The following ZNF587 variants were observed in gnomAD, a reference collection of about 807,000 sequenced individuals.
ZNF587 encodes zinc finger protein 587, also known as zinc finger protein zfp6.
ZNF587 carries 8 observed loss-of-function variants against 7.5 expected under a neutral mutation model. That is an observed-to-expected ratio of 1.06 (90% CI 0.62 to 1.92). The LOEUF (loss-of-function observed/expected upper bound fraction) is 1.92, where lower values mean the gene tolerates loss of function less well. ZNF587 is among the 40% of genes most tolerant of loss of function. The pLI, the probability that ZNF587 is intolerant of heterozygous loss-of-function variation, is 0.00. For missense variants in ZNF587, 468 were observed against 692.8 expected, an observed-to-expected ratio of 0.68 and a Z score of 3.64; for synonymous variants, 145 against 237.8, an observed-to-expected ratio of 0.61 and a Z score of 3.59.
intron 2 of ZNF587, chr19:57,858,091 T>G: frequency 6.2e-6 from 1 of 162,136 alleles, no homozygotes; most frequent in South Asian, 1.6e-4. Context: ...TTCTGTGACC[T>G]TTATAGCCCA....
rs1181836928 is a variant in ZNF587 at position 57,860,283 on chromosome 19, T to C, written c.*143T>C. 2.7e-6 allele frequency: 4 copies of C among 1,489,952 alleles called. No individual in the cohort carries two copies. The highest frequency in any genetic ancestry group is 1.8e-4 in the Middle Eastern group (1 of 5,672). The allele number at this position is 1,489,952 out of a possible 1,614,324, so 92.3% of individuals were successfully genotyped here. A position where few individuals can be genotyped will look rare whatever the true frequency, so the allele number is the denominator to read the frequency against. ...CTGTCCTCGGTCTTAAGCGACTTCG[T>C]GTTGAGATGGAGTCTTGTTCTGTCA... On this transcript the variant is annotated 3_prime_UTR_variant, in exon 3 of 3. Transcript: ENST00000339656.
In ZNF587 at chr19:57,861,178, C is replaced by T. The variant is rs1365906501; in HGVS notation, c.*1038C>T. On this transcript the variant is annotated 3_prime_UTR_variant, in exon 3 of 3. Transcript: ENST00000339656. ...CTTTTTAAGCAATGCCAAACTATGA[C>T]TTAAGAATGAAATTATTGCTCATTT... 2 of 152,138 alleles carry T rather than the reference C, an allele frequency of 1.3e-5. No individual in the cohort carries two copies. Among genetic ancestry groups the T allele is most frequent in the Non-Finnish European group, 2.9e-5 (2 of 68,034 alleles). 9.4% of individuals were successfully genotyped at this position (152,138 alleles called of 1,614,324 possible). A position where few individuals can be genotyped will look rare whatever the true frequency, so the allele number is the denominator to read the frequency against.
intron 1 of ZNF587, chr19:57,854,172 G>A (rs1333672575): frequency 6.6e-6 from 1 of 152,204 alleles, no homozygotes; most frequent in African/African-American, 2.4e-5. Flanking sequence ...ATCTGTGATA[G>A]TAGATGTGGT....
In ZNF587 at chr19:57,862,831, C is replaced by A. The variant is rs1173964045; in HGVS notation, c.*2691C>A. ...GGGCTGCCTAGAATCTGTTTCCTCT[C>A]ACTCTGAATTATTCTTCCTCTTATG... On this transcript the variant is annotated 3_prime_UTR_variant, in exon 3 of 3. Transcript: ENST00000339656. The A allele has an allele frequency of 6.4e-6, 1 of 155,068 alleles. No individual in the cohort carries two copies. The highest frequency in any genetic ancestry group is 1.5e-5 in the Non-Finnish European group (1 of 68,244). 9.6% of individuals were successfully genotyped at this position (155,068 alleles called of 1,614,324 possible). A position where few individuals can be genotyped will look rare whatever the true frequency, so the allele number is the denominator to read the frequency against.
In ZNF587 at chr19:57,859,579, T is replaced by C. The variant is rs1230894797; in HGVS notation, c.1167T>C (p.Phe389=). 6 of 1,613,924 alleles carry C rather than the reference T, an allele frequency of 3.7e-6. No individual in the cohort carries two copies. The highest frequency in any genetic ancestry group is 1.3e-5 in the African/African-American group (1 of 74,850). The change falls in exon 3 of 3, where the codon TTT becomes TTC. Residue 389 remains phenylalanine (F), a synonymous_variant. Transcript: ENST00000339656. ...PYKCGECGKS[F]GQKGNLVHHQ... ...AGTGTGGAGAATGTGGGAAATCTTTTGGTCAAAAGGGCAACCTCGTTCACC... is the reference window on the plus strand; with the variant it reads ...AGTGTGGAGAATGTGGGAAATCTTTCGGTCAAAAGGGCAACCTCGTTCACC...
chr19:57,853,591 G>T (rs1235516818), intron 1 of ZNF587, among the ~76,000 whole-genome samples: 7 of 152,040 alleles, frequency 4.6e-5, no homozygotes, highest in African/African-American at 1.7e-4. Context: ...CACCTGAGAG[G>T]GTGTGAGTGA....
chr19:57,860,035 TCA>T lies in ZNF587; in HGVS notation c.1627_1628del (p.Thr543TrpfsTer6), dbSNP rs1387581040. On this transcript the variant is annotated frameshift_variant, in exon 3 of 3. Transcript: ENST00000339656. LOFTEE classifies it low-confidence loss of function (END_TRUNC). ...CSSLIKHRRI[H>X]TGERPYECTK... ...CCAGTCTCATTAAACACAGGAGAATTCACACTGGAGAAAGGCCTTATGAATGC... is the reference window on the plus strand; with the variant it reads ...CCAGTCTCATTAAACACAGGAGAATTCACTGGAGAAAGGCCTTATGAATGC... 1.2e-6 allele frequency: 2 copies of T among 1,614,012 alleles called. No individual in the cohort carries two copies. Among genetic ancestry groups the T allele is most frequent in the African/African-American group, 2.7e-5 (2 of 74,898 alleles).
In ZNF587 at chr19:57,864,128, ATTTTTTTTTTTTT is replaced by A. The variant is rs200642194; in HGVS notation, c.*3999_*4011del. On this transcript the variant is annotated 3_prime_UTR_variant, in exon 3 of 3. Coordinates refer to ENST00000339656, the MANE Select transcript of ZNF587 (RefSeq NM_032828.4). ...ATATGGGCTTAGATATTATCCCTAA[ATTTTTTTTTTTTT>A]TTTTTTTTTTGAGACAGAGTCTCAC... is the stretch of plus-strand genomic sequence containing the variant. 1 of 90,612 alleles carries A rather than the reference ATTTTTTTTTTTTT, an allele frequency of 1.1e-5. No individual in the cohort carries two copies. Among genetic ancestry groups the A allele is most frequent in the South Asian group, 4.4e-4 (1 of 2,298 alleles). 5.6% of individuals were successfully genotyped at this position (90,612 alleles called of 1,614,324 possible).
chr19:57,860,118 C>A lies in ZNF587; in HGVS notation c.1706C>A (p.Ser569Ter). The A allele has an allele frequency of 1.2e-6, 2 of 1,613,492 alleles. No individual in the cohort carries two copies. The highest frequency in any genetic ancestry group is 8.5e-7 in the Non-Finnish European group (1 of 1,179,454). The change falls in exon 3 of 3, where the codon TCA (serine) becomes TAA (stop). Residue 569 changes from serine to a stop codon, truncating the protein, a stop_gained. Transcript: ENST00000339656. LOFTEE classifies it low-confidence loss of function (END_TRUNC). ...TCTACCCTCCTTCATCATCAGAGTT[C>A]ACACAGGAGAAAGGCCTTATGAGTG... ...RSSTLLHHQS[S>*]HRRKAL
At chr19:57,855,535 G>A (rs1041021371) in intron 1 of ZNF587, among the ~76,000 whole-genome samples, 1 of 151,630 alleles carries the variant, frequency 6.6e-6, no homozygotes, top group Non-Finnish European at 1.5e-5. Context: ...CTTGGATATC[G>A]CTGTTCAGAA....
chr19:57,856,361 TTG>T, intron 2 of ZNF587, 128 bp downstream of exon 2: 1 of 1,460,282 alleles, frequency 6.8e-7, no homozygotes, highest in South Asian at 1.5e-5. Flanking sequence ...TCTGTGTAAG[TTG>T]TGTGGTTCGT....
chr19:57,856,368 G>T (rs1210376017), intron 2 of ZNF587, 135 bp downstream of exon 2: 3 of 1,410,928 alleles, frequency 2.1e-6, no homozygotes, highest in Admixed American at 5.3e-5. Flanking sequence ...AAGTTGTGTG[G>T]TTCGTAGGAG....
intron 1 of ZNF587, chr19:57,851,929 A>G (rs910246083): frequency 1.0e-4 from 17 of 162,412 alleles, no homozygotes; most frequent in South Asian, 2.0e-4. Context: ...CCTTAGGGTT[A>G]CCTGGTTCCA....
rs1183838314 is a variant in ZNF587 at position 57,863,643 on chromosome 19, T to A, written c.*3503T>A. The A allele has an allele frequency of 6.6e-6, 1 of 152,248 alleles. No individual in the cohort carries two copies. Among genetic ancestry groups the A allele is most frequent in the Non-Finnish European group, 1.5e-5 (1 of 68,042 alleles). 9.4% of individuals were successfully genotyped at this position (152,248 alleles called of 1,614,324 possible). A position where few individuals can be genotyped will look rare whatever the true frequency, so the allele number is the denominator to read the frequency against. The stretch of plus-strand genomic sequence containing the variant: ...AATCTCTGTTATTTTCCTAACATGC[T>A]TGGTGGATACAAGAGTTAAGACTTC... On this transcript the variant is annotated 3_prime_UTR_variant, in exon 3 of 3. Coordinates refer to ENST00000339656, the MANE Select transcript of ZNF587 (RefSeq NM_032828.4).
rs1366759929 is a variant in ZNF587 at position 57,856,506 on chromosome 19, C to A, written c.163+273C>A. ...CACTGCAAGCTCCACCTCCCGGGTT[C>A]ATGCCGTTCTCCTGCCTCAGCCTCT... On this transcript the variant is annotated intron_variant, in intron 2 of 2. Coordinates refer to ENST00000339656, the MANE Select transcript of ZNF587 (RefSeq NM_032828.4). Among the ~76,000 whole-genome samples the A allele has an allele frequency of 2.6e-5, 4 of 151,630 alleles. No homozygotes were observed. The East Asian group carries it at 7.8e-4, about 29-fold the overall frequency.
rs958115147 is a variant in ZNF587 at position 57,860,294 on chromosome 19, A to AGTCTT, written c.*157_*161dup. ...CTTAAGCGACTTCGTGTTGAGATGG[A>AGTCTT]GTCTTGTTCTGTCACCCAGGCTGGA... On this transcript the variant is annotated 3_prime_UTR_variant, in exon 3 of 3. Coordinates refer to ENST00000339656, the MANE Select transcript of ZNF587 (RefSeq NM_032828.4). 1.7e-5 allele frequency: 25 copies of AGTCTT among 1,437,864 alleles called. No individual in the cohort carries two copies. Among genetic ancestry groups the AGTCTT allele is most frequent in the Non-Finnish European group, 2.4e-5 (25 of 1,050,902 alleles). 89.1% of individuals were successfully genotyped at this position (1,437,864 alleles called of 1,614,324 possible). A position where few individuals can be genotyped will look rare whatever the true frequency, so the allele number is the denominator to read the frequency against.
chr19:57,854,683 C>G (rs932840142), intron 1 of ZNF587, among the ~76,000 whole-genome samples: 2 of 151,816 alleles, frequency 1.3e-5, no homozygotes, highest in African/African-American at 4.8e-5. Context: ...GTTATGGAAA[C>G]AAACCATTGC....
intron 1 of ZNF587, chr19:57,850,546 C>A: frequency 2.3e-6 from 1 of 433,328 alleles, no homozygotes; most frequent in African/African-American, 2.0e-5. Flanking sequence ...GTCCGCTGAT[C>A]CATCCAGTGC....
chr19:57,862,608 ACATGCC>A lies in ZNF587; in HGVS notation c.*2472_*2477del, dbSNP rs2071447463. On this transcript the variant is annotated 3_prime_UTR_variant, in exon 3 of 3. Coordinates refer to ENST00000339656, the MANE Select transcript of ZNF587 (RefSeq NM_032828.4). ...AATCCAGAATCTTTTTTCAGGGGTC[ACATGCC>A]CATTTCCCCACTTGCATGAATGTCG... is the stretch of plus-strand genomic sequence containing the variant. The A allele has an allele frequency of 6.5e-6, 1 of 154,866 alleles. No individual in the cohort carries two copies. Among genetic ancestry groups the A allele is most frequent in the African/African-American group, 2.4e-5 (1 of 41,528 alleles). 9.6% of individuals were successfully genotyped at this position (154,866 alleles called of 1,614,324 possible). A position where few individuals can be genotyped will look rare whatever the true frequency, so the allele number is the denominator to read the frequency against.
Sources: gnomAD v4.1 joint callset for allele counts (sites outside exome capture counted in the v4.1 genomes callset) on GRCh38, gnomAD v4.1.1 for gene constraint, MANE v1.5 for transcripts, NCBI Gene and HGNC (gene_info 2026-07-23, HGNC 2026-07-21) for gene names.